Variants in CFAP44 observed in about 807,000 individuals in gnomAD.
CFAP44 encodes cilia and flagella associated protein 44.
Under a neutral mutation model 216.2 loss-of-function variants are expected in CFAP44, and 134 were observed. That is an observed-to-expected ratio of 0.62 (90% CI 0.54 to 0.72). The LOEUF (loss-of-function observed/expected upper bound fraction) is 0.72. CFAP44 is among the 30% of genes least tolerant of loss of function. The pLI is 0.00. For missense variants in CFAP44, 2,035 were observed against 2,182.1 expected (o/e 0.93, Z 1.34); for synonymous variants, 700 against 727.6 (o/e 0.96, Z 0.61).
At chr3:113,356,247 ATATT>A (rs1475268081) in intron 22 of CFAP44, among the ~76,000 whole-genome samples, 1 of 150,968 alleles carries the variant, frequency 6.6e-6, no homozygotes, top group African/African-American at 2.4e-5. Context: ...ATGTAAGATA[ATATT>A]TATTATTTAA....
intron 17 of CFAP44, among the ~76,000 whole-genome samples, chr3:113,377,904 G>T (rs1933395895): frequency 6.6e-6 from 1 of 152,112 alleles, no homozygotes; most frequent in African/African-American, 2.4e-5. Context: ...ACCCGCCTCG[G>T]CCTCCCAAAG....
chr3:113,362,422 C>A (rs1950549947), intron 21 of CFAP44, among the ~76,000 whole-genome samples: 1 of 152,066 alleles, frequency 6.6e-6, no homozygotes, highest in Admixed American at 6.5e-5. Context: ...AAGGGGCCAC[C>A]ACCAATCACC....
At chr3:113,294,470 T>C (rs1949861592) in intron 34 of CFAP44, 1 of 522,208 alleles carries the variant, frequency 1.9e-6, no homozygotes, top group Non-Finnish European at 3.3e-6. Context: ...CTTACGTGAG[T>C]TCATGGCACC....
Position 113,363,481 on chromosome 3 carries a change from A to G in CFAP44, c.2767T>C (p.Tyr923His), listed in dbSNP as rs931165116. The G allele has an allele frequency of 2.7e-5, 44 of 1,610,288 alleles. No homozygotes were observed. The highest frequency in any genetic ancestry group is 8.4e-5 in the Admixed American group (5 of 59,672). ...IPEDIEDPKA[Y>H]SIENARRKRE... ...ATTTATCAAAAATTCCCATACCTGT[A>G]GGCTTTGGGATCTTCAATGTCTTCT... is the stretch of plus-strand genomic sequence containing the variant. The change falls in exon 20 of 35, where the codon TAC (tyrosine) becomes CAC (histidine). Residue 923 changes from tyrosine (Y) to histidine (H), a missense_variant. Tyr to His is a moderately conservative substitution (Grantham distance 83, BLOSUM62 2). Coordinates refer to ENST00000393845, the MANE Select transcript of CFAP44 (RefSeq NM_001164496.2).
intron 22 of CFAP44, among the ~76,000 whole-genome samples, chr3:113,345,762 C>A (rs889856785): frequency 6.6e-6 from 1 of 152,138 alleles, no homozygotes; most frequent in African/African-American, 2.4e-5. Context: ...ATCACACACA[C>A]ACAAACAAGC....
chr3:113,418,711 G>A (rs924416064), intron 5 of CFAP44, among the ~76,000 whole-genome samples: 1 of 151,544 alleles, frequency 6.6e-6, no homozygotes, highest in East Asian at 1.9e-4. Flanking sequence ...TTTGTTTTTT[G>A]GGTTTTTTTT....
At chr3:113,433,429 C>CAAA (rs58221881) in intron 2 of CFAP44, 136 bp downstream of exon 2, 172 of 127,736 alleles carry the variant, frequency 1.3e-3, no homozygotes, top group Middle Eastern at 2.6e-3. Flanking sequence ...AACTCCATCT[C>CAAA]AAAAAAAAAA....
intron 2 of CFAP44, chr3:113,428,925 T>G (rs1481923424): frequency 6.6e-6 from 1 of 152,150 alleles, no homozygotes. Flanking sequence ...GGACCTCTCC[T>G]CTCCAGCTAT....
intron 31 of CFAP44, among the ~76,000 whole-genome samples, chr3:113,304,470 G>C (rs1283814574): frequency 1.3e-5 from 2 of 152,158 alleles, no homozygotes; most frequent in Admixed American, 6.5e-5. Flanking sequence ...GGCTGATCTT[G>C]TTGTTGTTGT....
At chr3:113,373,925 G>T (rs978287855) in intron 17 of CFAP44, among the ~76,000 whole-genome samples, 2 of 152,120 alleles carry the variant, frequency 1.3e-5, no homozygotes, top group African/African-American at 4.8e-5. Context: ...CTAGTTTGCA[G>T]TTTAAGGTAA....
chr3:113,288,199 T>TA lies in CFAP44; in HGVS notation c.*3357dup. The TA allele has an allele frequency of 6.6e-6, 1 of 152,132 alleles. No homozygotes were observed. The allele number at this position is 152,132 out of a possible 1,614,324, so 9.4% of individuals were successfully genotyped here. On this transcript the variant is annotated 3_prime_UTR_variant, in exon 35 of 35. Transcript: ENST00000393845. ...TGGCTTTTAAACATGAAGAATTTGA[T>TA]AAACAGGGTCCTAGGGAAGAGTCAC...
At chr3:113,407,281 T>A (rs1934314034) in intron 7 of CFAP44, among the ~76,000 whole-genome samples, 1 of 152,210 alleles carries the variant, frequency 6.6e-6, no homozygotes, top group African/African-American at 2.4e-5. Flanking sequence ...ATCTTATATT[T>A]TAGGGCTGTG....
intron 15 of CFAP44, among the ~76,000 whole-genome samples, chr3:113,381,558 T>C (rs1025307866): frequency 6.6e-6 from 1 of 152,190 alleles, no homozygotes; most frequent in African/African-American, 2.4e-5. Flanking sequence ...TCTGCCTCCA[T>C]AAGCATTTTC....
chr3:113,342,799 C>T (rs1950345051), intron 23 of CFAP44, among the ~76,000 whole-genome samples: 1 of 151,298 alleles, frequency 6.6e-6, no homozygotes, highest in East Asian at 2.0e-4. Context: ...CAAGACCAGC[C>T]TGGGCATGGT....
intron 5 of CFAP44, among the ~76,000 whole-genome samples, chr3:113,417,805 C>A (rs545132878): frequency 6.6e-6 from 1 of 152,230 alleles, no homozygotes; most frequent in African/African-American, 2.4e-5. Context: ...AGTCAAGAAG[C>A]AAACGGGCCT....
chr3:113,402,831 C>T (rs1934179476), intron 9 of CFAP44, among the ~76,000 whole-genome samples: 1 of 152,014 alleles, frequency 6.6e-6, no homozygotes, highest in Admixed American at 6.6e-5. Context: ...AGGTTTTCTC[C>T]CACTTGGTAT....
chr3:113,369,439 C>A (rs1933073846), intron 18 of CFAP44, among the ~76,000 whole-genome samples: 1 of 152,194 alleles, frequency 6.6e-6, no homozygotes, highest in Admixed American at 6.5e-5. Context: ...CAAAACTGCA[C>A]AACTATGTGG....
At chr3:113,318,128 T>G (rs1950105760) in intron 28 of CFAP44, among the ~76,000 whole-genome samples, 2 of 152,056 alleles carry the variant, frequency 1.3e-5, no homozygotes, top group African/African-American at 4.8e-5. Context: ...TCATCAAGAT[T>G]CAGGAGATAG....
intron 3 of CFAP44, chr3:113,426,593 G>A: frequency 4.0e-6 from 1 of 252,914 alleles, no homozygotes. Flanking sequence ...CAGCCATGCA[G>A]AACTGTGAGT....
Sources: allele counts gnomAD v4.1 joint callset (sites outside exome capture counted in the v4.1 genomes callset), GRCh38; gene constraint gnomAD v4.1.1; transcripts MANE v1.5; gene names NCBI Gene and HGNC (gene_info 2026-07-23, HGNC 2026-07-21).